Variants in RBMS3 observed in about 807,000 individuals in gnomAD.
RBMS3 encodes RNA-binding motif, single-stranded-interacting protein 3.
A neutral mutation model predicts 66.8 loss-of-function variants in RBMS3; 27 were observed. That is an observed-to-expected ratio of 0.40 (90% CI 0.30 to 0.56). The LOEUF is 0.56. Among genes scored for constraint, RBMS3 ranks in the 20% least tolerant of loss-of-function variants. The probability of loss-of-function intolerance (pLI) is 0.40; values close to 1 mark genes in which losing one functional copy is unlikely to be tolerated. For synonymous variants in RBMS3, 188 were observed against 183.0 expected, an observed-to-expected ratio of 1.03 and a Z score of -0.22; for missense variants, 513 against 549.5, an observed-to-expected ratio of 0.93 and a Z score of 0.66.
intron 3 of RBMS3, among the ~76,000 whole-genome samples, chr3:29,544,535 A>G (rs1005890975): frequency 6.6e-6 from 1 of 152,070 alleles, no homozygotes; most frequent in South Asian, 2.1e-4. Flanking sequence ...GTTAAATGTT[A>G]CCTGTCTCAG....
chr3:29,731,336 G>A (rs2054125185), intron 4 of RBMS3, among the ~76,000 whole-genome samples: 1 of 152,120 alleles, frequency 6.6e-6, no homozygotes, highest in African/African-American at 2.4e-5. Flanking sequence ...CTTATCTTAG[G>A]GAAATTGTTC....
At chr3:29,497,033 T>G (rs116760798) in intron 3 of RBMS3, among the ~76,000 whole-genome samples, 10,733 of 152,056 alleles carry the variant, frequency 0.071, 465 homozygotes, top group East Asian at 0.16. Flanking sequence ...TTTTTTTTCT[T>G]GTTTTTTGAG....
chr3:29,492,858 A>G (rs925942909), intron 3 of RBMS3, among the ~76,000 whole-genome samples: 3 of 152,214 alleles, frequency 2.0e-5, no homozygotes, highest in Admixed American at 1.3e-4. Context: ...TGAAGTAGCA[A>G]ACATTATAAC....
At chr3:29,290,119 G>A (rs2032695618) in intron 1 of RBMS3, among the ~76,000 whole-genome samples, 1 of 151,766 alleles carries the variant, frequency 6.6e-6, no homozygotes, top group African/African-American at 2.4e-5. Flanking sequence ...TCATATTTGA[G>A]GCTATTGTCG....
At chr3:29,412,613 GATTA>G (rs1363324208) in intron 1 of RBMS3, among the ~76,000 whole-genome samples, 1 of 152,154 alleles carries the variant, frequency 6.6e-6, no homozygotes, top group East Asian at 1.9e-4. Flanking sequence ...TCCAGCCAAA[GATTA>G]ATTAAGTGCC....
At chr3:29,834,517 C>A (rs775817858) in intron 6 of RBMS3, among the ~76,000 whole-genome samples, 2 of 151,748 alleles carry the variant, frequency 1.3e-5, no homozygotes, top group African/African-American at 2.4e-5. Context: ...ATTGGGTGGG[C>A]AGCAGTGTAA....
chr3:29,902,843 G>C (rs1022319393), intron 10 of RBMS3, among the ~76,000 whole-genome samples: 1 of 151,880 alleles, frequency 6.6e-6, no homozygotes, highest in Admixed American at 6.6e-5. Context: ...TCTCAGGCTT[G>C]ACTTAAAGGG....
chr3:29,304,838 T>G (rs1470460319), intron 1 of RBMS3, among the ~76,000 whole-genome samples: 1 of 151,946 alleles, frequency 6.6e-6, no homozygotes, highest in Non-Finnish European at 1.5e-5. Flanking sequence ...ATCTAGTCCC[T>G]TGCTGAACCT....
chr3:29,350,530 G>A (rs1485599964), intron 1 of RBMS3, among the ~76,000 whole-genome samples: 1 of 152,088 alleles, frequency 6.6e-6, no homozygotes, highest in Non-Finnish European at 1.5e-5. Context: ...ATTGCCCTAA[G>A]CATCTCATGT....
intron 1 of RBMS3, among the ~76,000 whole-genome samples, chr3:29,289,574 A>G (rs1559463016): frequency 6.6e-6 from 1 of 151,870 alleles, no homozygotes; most frequent in African/African-American, 2.4e-5. Context: ...AAAAAGGCTT[A>G]AAGAAAATAT....
intron 1 of RBMS3, among the ~76,000 whole-genome samples, chr3:29,430,432 T>G (rs535052736): frequency 6.6e-6 from 1 of 152,332 alleles, no homozygotes; most frequent in African/African-American, 2.4e-5. Flanking sequence ...CCACTCCTAA[T>G]TATAAATTAC....
rs1469466349 is a variant in RBMS3 at position 29,478,363 on chromosome 3, C to T, written c.249-10078C>T. On this transcript the variant is annotated intron_variant, in intron 2 of 14. Transcript: ENST00000383767. The stretch of plus-strand genomic sequence containing the variant: ...CTAATGAGGGCCCCATTTTCTGGTT[C>T]CTAAATGGTGCCTTCCAGCTTTGTC... 5.1e-4 allele frequency among the ~76,000 whole-genome samples: 78 copies of T among 152,126 alleles called. 1 individual carries two copies.
chr3:29,866,077 T>TAAAAATAAAAAAAA (rs2059353998), intron 6 of RBMS3, among the ~76,000 whole-genome samples: 1 of 105,600 alleles, frequency 9.5e-6, no homozygotes, highest in Admixed American at 9.6e-5. Flanking sequence ...CACCAAATAC[T>TAAAAATAAAAAAAA]AAAAAAAAAA....
intron 3 of RBMS3, among the ~76,000 whole-genome samples, chr3:29,569,120 G>A (rs2046846621): frequency 2.0e-5 from 3 of 152,110 alleles, no homozygotes; most frequent in Admixed American, 2.0e-4. Flanking sequence ...AAACCTCTCA[G>A]GCGAGGTGCT....
chr3:29,284,131 G>C (rs1341831932), intron 1 of RBMS3, among the ~76,000 whole-genome samples: 2 of 152,034 alleles, frequency 1.3e-5, no homozygotes, highest in African/African-American at 4.8e-5. Context: ...TGGTAAGCCT[G>C]GGTGGAATTC....
At chr3:29,965,953 A>G (rs1696816050) in intron 12 of RBMS3, among the ~76,000 whole-genome samples, 1 of 152,158 alleles carries the variant, frequency 6.6e-6, no homozygotes, top group Admixed American at 6.5e-5. Flanking sequence ...TGTGGCTACC[A>G]ATTATCCCAG....
intron 4 of RBMS3, among the ~76,000 whole-genome samples, chr3:29,652,067 A>C (rs1189248837): frequency 1.3e-5 from 2 of 152,154 alleles, no homozygotes; most frequent in Non-Finnish European, 2.9e-5. Context: ...AATTCTGAAG[A>C]GTAGAAAATC....
chr3:29,753,734 G>A (rs2581885), intron 5 of RBMS3, among the ~76,000 whole-genome samples: 19,490 of 152,050 alleles, frequency 0.13, 1,527 homozygotes, highest in East Asian at 0.24. Flanking sequence ...AAGTACGATT[G>A]CCCATAATCA....
At chr3:29,350,112 G>T (rs2036817397) in intron 1 of RBMS3, among the ~76,000 whole-genome samples, 2 of 150,210 alleles carry the variant, frequency 1.3e-5, no homozygotes, top group African/African-American at 4.9e-5. Context: ...GTGAACCGAG[G>T]TCTCACCATT....
Sources: gnomAD v4.1 joint callset for allele counts (sites outside exome capture counted in the v4.1 genomes callset) on GRCh38, gnomAD v4.1.1 for gene constraint, MANE v1.5 for transcripts, NCBI Gene and HGNC (gene_info 2026-07-23, HGNC 2026-07-21) for gene names.